Variants in NAALADL2 observed in about 807,000 individuals in gnomAD.
NAALADL2 encodes inactive N-acetylated-alpha-linked acidic dipeptidase-like protein 2.
A neutral mutation model predicts 87.2 loss-of-function variants in NAALADL2; 76 were observed. The ratio of observed to expected loss-of-function variants is 0.87; its 90% CI spans 0.72 to 1.05. The LOEUF is 1.05. NAALADL2 is among the 50% of genes least tolerant of loss of function. The pLI is 0.00. For missense variants in NAALADL2, 1,089 were observed against 945.8 expected, an observed-to-expected ratio of 1.15 and a Z score of -1.99; for synonymous variants, 354 against 331.0, an observed-to-expected ratio of 1.07 and a Z score of -0.75.
intron 2 of NAALADL2, among the ~76,000 whole-genome samples, chr3:174,712,377 C>CTTT (rs1186200735): frequency 9.1e-6 from 1 of 110,158 alleles, no homozygotes; most frequent in Non-Finnish European, 1.9e-5. Flanking sequence ...CACTTCTCCT[C>CTTT]TTCTTTTTTT....
chr3:175,145,839 C>T (rs1730671016), intron 2 of NAALADL2, among the ~76,000 whole-genome samples: 1 of 150,202 alleles, frequency 6.7e-6, no homozygotes, highest in Admixed American at 6.7e-5. Context: ...AGTCTTCCTA[C>T]CACTTCAAAT....
intron 3 of NAALADL2, among the ~76,000 whole-genome samples, chr3:174,802,520 A>C (rs1030890075): frequency 6.6e-6 from 1 of 152,176 alleles, no homozygotes; most frequent in East Asian, 1.9e-4. Flanking sequence ...TCTAGGGTAC[A>C]TGTGCACAAT....
Position 175,221,006 on chromosome 3 carries a change from G to A in NAALADL2, c.546-12925G>A, listed in dbSNP as rs146928933. Reference sequence around the variant, plus strand: ...GAGGACAGGAGTTCAAGACTAGCCTGGCCAACATGGTAAAACTCCATCTCT... The same window carrying A: ...GAGGACAGGAGTTCAAGACTAGCCTAGCCAACATGGTAAAACTCCATCTCT... On this transcript the variant is annotated intron_variant, in intron 2 of 13. Coordinates refer to ENST00000454872, the MANE Select transcript of NAALADL2 (RefSeq NM_207015.3). 4.6e-5 allele frequency among the ~76,000 whole-genome samples: 7 copies of A among 152,072 alleles called. No homozygotes were observed. In the East Asian group the frequency reaches 1.4e-3, roughly 30 times the overall value.
Position 175,124,286 on chromosome 3 carries a change from TAAAAC to T in NAALADL2, c.545+26998_545+27002del, listed in dbSNP as rs1580576415. 3.3e-5 allele frequency: 5 copies of T among 152,152 alleles called. No homozygotes were observed. In the East Asian group the frequency reaches 9.7e-4, roughly 29 times the overall value. The allele number at this position is 152,152 out of a possible 1,614,324, so 9.4% of individuals were successfully genotyped here. On this transcript the variant is annotated intron_variant, in intron 2 of 13. Transcript: ENST00000454872. ...TTCAGTTAACATTGGCTTAGACAAA[TAAAAC>T]AAGATGTTTGGAGTTAGGTGGTCAC... is the stretch of plus-strand genomic sequence containing the variant.
intron 1 of NAALADL2, among the ~76,000 whole-genome samples, chr3:175,060,492 A>C (rs150309832): frequency 1.3e-5 from 2 of 152,196 alleles, no homozygotes; most frequent in Non-Finnish European, 2.9e-5. Context: ...AATATTTTCA[A>C]TTAATGCTTT....
At chr3:174,716,218 A>G (rs986349269) in intron 2 of NAALADL2, among the ~76,000 whole-genome samples, 6 of 152,186 alleles carry the variant, frequency 3.9e-5, no homozygotes, top group Admixed American at 1.3e-4. Context: ...TAGAAACACT[A>G]TCCATTGACA....
intron 3 of NAALADL2, among the ~76,000 whole-genome samples, chr3:174,747,056 A>G (rs1013135496): frequency 7.2e-5 from 11 of 152,224 alleles, no homozygotes; most frequent in Admixed American, 3.9e-4. Flanking sequence ...AGCAATTGCA[A>G]CAAAAGCAAA....
chr3:174,772,086 A>T (rs985266270), intron 3 of NAALADL2, among the ~76,000 whole-genome samples: 1 of 152,152 alleles, frequency 6.6e-6, no homozygotes, highest in Non-Finnish European at 1.5e-5. Context: ...TAATTGATGA[A>T]TATTTTTCTG....
At chr3:174,879,924 G>A (rs1728986779) in intron 1 of NAALADL2, among the ~76,000 whole-genome samples, 1 of 152,020 alleles carries the variant, frequency 6.6e-6, no homozygotes, top group African/African-American at 2.4e-5. Flanking sequence ...ACACTTGACA[G>A]TATTGGTTAC....
At chr3:175,056,448 C>G (rs929425288) in intron 1 of NAALADL2, among the ~76,000 whole-genome samples, 6 of 152,276 alleles carry the variant, frequency 3.9e-5, no homozygotes, top group African/African-American at 1.4e-4. Flanking sequence ...TCCACATTCT[C>G]CAACCATCTC....
At chr3:174,879,049 C>T (rs1728869317) in intron 1 of NAALADL2, among the ~76,000 whole-genome samples, 1 of 118,574 alleles carries the variant, frequency 8.4e-6, no homozygotes, top group African/African-American at 3.0e-5. Context: ...TTTTCCAGTA[C>T]AGGACAAGCC....
intron 9 of NAALADL2, among the ~76,000 whole-genome samples, chr3:175,496,707 C>G (rs1728859551): frequency 6.6e-6 from 1 of 152,024 alleles, no homozygotes; most frequent in Non-Finnish European, 1.5e-5. Context: ...ATGCATGCCA[C>G]TACACCCAGC....
chr3:175,327,787 C>A (rs987207295), intron 5 of NAALADL2, among the ~76,000 whole-genome samples: 13 of 152,112 alleles, frequency 8.5e-5, no homozygotes, highest in Admixed American at 7.2e-4. Context: ...TTTTCCTCTG[C>A]CCCTCTGGGT....
intron 5 of NAALADL2, among the ~76,000 whole-genome samples, chr3:175,373,108 A>G (rs1353398365): frequency 6.6e-6 from 1 of 152,176 alleles, no homozygotes; most frequent in Non-Finnish European, 1.5e-5. Context: ...ATTGTTTTAC[A>G]TGGAATGAAT....
intron 3 of NAALADL2, among the ~76,000 whole-genome samples, chr3:174,840,207 A>G (rs1294597680): frequency 1.3e-5 from 2 of 151,320 alleles, no homozygotes; most frequent in African/African-American, 2.4e-5. Flanking sequence ...GTGTGTGTGT[A>G]TATATATATA....
chr3:174,800,768 C>T (rs985021074), intron 3 of NAALADL2, among the ~76,000 whole-genome samples: 1 of 152,216 alleles, frequency 6.6e-6, no homozygotes, highest in African/African-American at 2.4e-5. Flanking sequence ...CCCTGCAAAG[C>T]CACAGGAGCA....
intron 1 of NAALADL2, among the ~76,000 whole-genome samples, chr3:175,096,220 T>A (rs1437214839): frequency 6.6e-6 from 1 of 152,112 alleles, no homozygotes; most frequent in Non-Finnish European, 1.5e-5. Flanking sequence ...AGATTTTGCT[T>A]CTTGTAGAAT....
intron 10 of NAALADL2, among the ~76,000 whole-genome samples, chr3:175,626,331 A>G (rs898030084): frequency 2.6e-5 from 4 of 151,918 alleles, no homozygotes; most frequent in African/African-American, 7.2e-5. Context: ...AGCATTGAAA[A>G]TATGTCCATG....
intron 1 of NAALADL2, among the ~76,000 whole-genome samples, chr3:174,471,530 T>C (rs1243970557): frequency 1.3e-5 from 2 of 151,934 alleles, no homozygotes; most frequent in East Asian, 2.0e-4. Flanking sequence ...TCCAGCCTAT[T>C]GTTTTCTATT....
Sources: gnomAD v4.1 joint callset for allele counts (sites outside exome capture counted in the v4.1 genomes callset) on GRCh38, gnomAD v4.1.1 for gene constraint, MANE v1.5 for transcripts, NCBI Gene and HGNC (gene_info 2026-07-23, HGNC 2026-07-21) for gene names.